The following ROBO2 variants were observed in gnomAD, a reference collection of about 807,000 sequenced individuals.
ROBO2 encodes the protein roundabout homolog 2.
In ROBO2, 53 loss-of-function variants were observed where a neutral mutation model predicts 160.8. The ratio of observed to expected loss-of-function variants is 0.33; its 90% CI spans 0.26 to 0.41. The LOEUF is 0.41. Among genes scored for constraint, ROBO2 ranks in the 10% least tolerant of loss-of-function variants. The pLI is 1.00. For synonymous variants in ROBO2, 664 were observed against 611.7 expected, an observed-to-expected ratio of 1.09 and a Z score of -1.26; for missense variants, 1,577 against 1,722.4, an observed-to-expected ratio of 0.92 and a Z score of 1.49.
intron 2 of ROBO2, among the ~76,000 whole-genome samples, chr3:75,968,953 A>G (rs560505700): frequency 1.5e-4 from 23 of 149,998 alleles, no homozygotes; most frequent in African/African-American, 5.4e-4. Flanking sequence ...GATAGCACAT[A>G]GAATAGCCAC....
intron 8 of ROBO2, among the ~76,000 whole-genome samples, chr3:77,556,402 T>G (rs2153657524): frequency 6.6e-6 from 1 of 152,010 alleles, no homozygotes; most frequent in Non-Finnish European, 1.5e-5. Context: ...ATTGTTTTTC[T>G]TAGGTTTTAT....
intron 16 of ROBO2, among the ~76,000 whole-genome samples, chr3:77,584,965 C>T (rs574193977): frequency 6.8e-6 from 1 of 147,894 alleles, no homozygotes; most frequent in East Asian, 2.0e-4. Context: ...CATATATATA[C>T]ACACATATAT....
chr3:77,457,990 A>T (rs1444882282), intron 2 of ROBO2, among the ~76,000 whole-genome samples: 2 of 152,174 alleles, frequency 1.3e-5, no homozygotes, highest in Non-Finnish European at 2.9e-5. Context: ...CTATTTGATT[A>T]TGCAAAACCA....
intron 2 of ROBO2, among the ~76,000 whole-genome samples, chr3:77,314,002 C>T (rs1041461829): frequency 1.3e-5 from 2 of 152,160 alleles, no homozygotes; most frequent in African/African-American, 4.8e-5. Context: ...TATTGACTTT[C>T]CTTCAGTATC....
chr3:77,593,903 A>G (rs2094239005), intron 17 of ROBO2, among the ~76,000 whole-genome samples: 1 of 152,134 alleles, frequency 6.6e-6, no homozygotes, highest in Non-Finnish European at 1.5e-5. Context: ...CCACAGGAAA[A>G]AAAATCATAG....
intron 2 of ROBO2, among the ~76,000 whole-genome samples, chr3:76,892,819 T>C (rs1343101163): frequency 2.6e-5 from 4 of 152,162 alleles, no homozygotes; most frequent in African/African-American, 7.2e-5. Context: ...AAGATGAAGA[T>C]TTCACACCTT....
At chr3:77,203,731 G>A (rs932917221) in intron 2 of ROBO2, among the ~76,000 whole-genome samples, 1 of 152,094 alleles carries the variant, frequency 6.6e-6, no homozygotes, top group Non-Finnish European at 1.5e-5. Context: ...TGTTGATAGT[G>A]GCGGCTGAAA....
intron 2 of ROBO2, among the ~76,000 whole-genome samples, chr3:76,076,230 T>C (rs1006731138): frequency 6.6e-6 from 1 of 152,226 alleles, no homozygotes; most frequent in Non-Finnish European, 1.5e-5. Context: ...ACTTAGGTTA[T>C]GTAAATCTAT....
chr3:75,998,175 G>T (rs2065785741), intron 2 of ROBO2, among the ~76,000 whole-genome samples: 1 of 152,156 alleles, frequency 6.6e-6, no homozygotes, highest in African/African-American at 2.4e-5. Flanking sequence ...ATACGAGCTT[G>T]TGTGTTTATT....
chr3:76,162,440 G>A (rs2072677172), intron 2 of ROBO2, among the ~76,000 whole-genome samples: 1 of 152,038 alleles, frequency 6.6e-6, no homozygotes, highest in African/African-American at 2.4e-5. Context: ...CTGAGTCACT[G>A]GAACTACAGA....
intron 2 of ROBO2, among the ~76,000 whole-genome samples, chr3:77,207,325 A>T (rs923279728): frequency 2.6e-5 from 4 of 152,126 alleles, no homozygotes; most frequent in African/African-American, 9.7e-5. Context: ...GATAAACTTT[A>T]TATGATACCA....
intron 2 of ROBO2, among the ~76,000 whole-genome samples, chr3:75,941,435 G>T (rs1206312290): frequency 1.3e-5 from 2 of 152,174 alleles, no homozygotes; most frequent in African/African-American, 4.8e-5. Context: ...TAGAGTTTTT[G>T]TAACTAACTT....
intron 2 of ROBO2, among the ~76,000 whole-genome samples, chr3:77,108,578 A>C (rs2073167913): frequency 6.6e-6 from 1 of 152,168 alleles, no homozygotes; most frequent in Admixed American, 6.5e-5. Flanking sequence ...TGGGCTGCAT[A>C]TGAGGAGTCT....
At chr3:76,756,315 A>G (rs1441280085) in intron 2 of ROBO2, among the ~76,000 whole-genome samples, 4 of 151,878 alleles carry the variant, frequency 2.6e-5, no homozygotes, top group African/African-American at 7.2e-5. Flanking sequence ...TTTGCAAAAT[A>G]TTTTTACAGG....
intron 2 of ROBO2, among the ~76,000 whole-genome samples, chr3:76,851,552 G>C (rs62261828): frequency 0.12 from 18,159 of 150,022 alleles, 1,244 homozygotes; most frequent in East Asian, 0.24. Context: ...TGGCTAACAA[G>C]GTGAAACCCC....
At chr3:76,894,129 G>T (rs1037293307) in intron 2 of ROBO2, among the ~76,000 whole-genome samples, 1 of 151,298 alleles carries the variant, frequency 6.6e-6, no homozygotes, top group Non-Finnish European at 1.5e-5. Flanking sequence ...CTTATTATCT[G>T]TGGGAGGAAA....
intron 2 of ROBO2, among the ~76,000 whole-genome samples, chr3:76,760,311 T>C (rs879765358): frequency 2.6e-5 from 4 of 151,846 alleles, no homozygotes; most frequent in Non-Finnish European, 4.4e-5. Context: ...ATTTTTCCTA[T>C]TGTAAAATAG....
intron 1 of ROBO2, among the ~76,000 whole-genome samples, chr3:77,096,414 A>G (rs1295875201): frequency 1.3e-5 from 2 of 151,840 alleles, no homozygotes; most frequent in Non-Finnish European, 2.9e-5. Context: ...TGAAATATCA[A>G]CAGAGCCTTC....
intron 2 of ROBO2, among the ~76,000 whole-genome samples, chr3:77,293,086 TAAAA>T: frequency 1.4e-5 from 2 of 147,868 alleles, no homozygotes; most frequent in African/African-American, 5.0e-5. Flanking sequence ...AGACATAAAG[TAAAA>T]TTGGCGGTTA....
Sources: allele counts gnomAD v4.1 joint callset (sites outside exome capture counted in the v4.1 genomes callset), GRCh38; gene constraint gnomAD v4.1.1; transcripts MANE v1.5; gene names NCBI Gene and HGNC (gene_info 2026-07-23, HGNC 2026-07-21).